PARD3: variants seen among roughly 807,000 people sequenced by gnomAD.
PARD3 encodes partitioning defective 3 homolog.
PARD3 carries 75 observed loss-of-function variants against 155.4 expected under a neutral mutation model. That is an observed-to-expected ratio of 0.48 (90% CI 0.40 to 0.58). The LOEUF is 0.58. PARD3 is among the 20% of genes least tolerant of loss of function. The pLI, the probability that PARD3 is intolerant of heterozygous loss-of-function variation, is 0.00. For synonymous variants in PARD3, 576 were observed against 610.5 expected (o/e 0.94, Z 0.83); for missense variants, 1,642 against 1,721.7 (o/e 0.95, Z 0.82).
At chr10:34,446,498 G>A (rs1048366914) in intron 5 of PARD3, among the ~76,000 whole-genome samples, 59 of 151,906 alleles carry the variant, frequency 3.9e-4, no homozygotes, top group African/African-American at 1.3e-3. Flanking sequence ...GTAGAGTAAT[G>A]TGCCCAAATC....
chr10:34,399,439 G>A (rs758895646), intron 6 of PARD3, 26 bp from the exon 7 acceptor site: 4 of 1,464,524 alleles, frequency 2.7e-6, no homozygotes, highest in African/African-American at 2.8e-5. Context: ...GAATGAGGGA[G>A]CATGAACGTG....
At chr10:34,273,598 T>A (rs1324113428) in intron 21 of PARD3, among the ~76,000 whole-genome samples, 1 of 152,176 alleles carries the variant, frequency 6.6e-6, no homozygotes, top group Non-Finnish European at 1.5e-5. Context: ...CCAATGCGAA[T>A]TTCCTGGTTT....
At chr10:34,676,232 T>C (rs1433894957) in intron 2 of PARD3, among the ~76,000 whole-genome samples, 1 of 152,196 alleles carries the variant, frequency 6.6e-6, no homozygotes, top group Non-Finnish European at 1.5e-5. Flanking sequence ...AAAACTTATG[T>C]TTTCTACGGA....
chr10:34,287,789 T>C (rs1956471443), intron 20 of PARD3, among the ~76,000 whole-genome samples: 1 of 152,196 alleles, frequency 6.6e-6, no homozygotes, highest in Admixed American at 6.5e-5. Context: ...TACCTAAGGA[T>C]TGCATATTTT....
chr10:34,403,408 G>A (rs1209313807), intron 5 of PARD3, among the ~76,000 whole-genome samples: 2 of 152,150 alleles, frequency 1.3e-5, no homozygotes, highest in South Asian at 2.1e-4. Flanking sequence ...CAGTAGAAAC[G>A]TGTATGCCAT....
At position 34,209,783 on chromosome 10, in the gene PARD3, G is replaced by A. The variant is rs554022769; in HGVS notation, c.3419+59874C>T. On this transcript the variant is annotated intron_variant, in intron 22 of 24. Transcript: ENST00000374788. ...AGAAAATGCATGCAAATTCTTGGGA[G>A]AGAAAGCATTTAGTAAATGTTAGCT... 7.2e-5 allele frequency among the ~76,000 whole-genome samples: 11 copies of A among 152,302 alleles called. No homozygotes were observed. The South Asian group carries it at 2.3e-3, about 32-fold the overall frequency.
chr10:34,604,945 CT>C (rs1431799295), intron 2 of PARD3, among the ~76,000 whole-genome samples: 1 of 151,664 alleles, frequency 6.6e-6, no homozygotes, highest in Non-Finnish European at 1.5e-5. Context: ...TAGTCCATTT[CT>C]TTTTTCCTTC....
intron 15 of PARD3, chr10:34,345,865 G>T (rs74134111): frequency 2.0e-6 from 2 of 984,932 alleles, no homozygotes; most frequent in Non-Finnish European, 2.4e-6. Context: ...CTAGAATAAG[G>T]ACTGACAAAA....
intron 15 of PARD3, chr10:34,344,879 T>G (rs528172282): frequency 3.0e-6 from 3 of 985,378 alleles, no homozygotes; most frequent in South Asian, 4.7e-5. Context: ...GTACAGAAAG[T>G]GTGCAACTTC....
chr10:34,364,750 G>C (rs1156547323), intron 12 of PARD3, among the ~76,000 whole-genome samples: 1 of 152,184 alleles, frequency 6.6e-6, no homozygotes, highest in East Asian at 1.9e-4. Flanking sequence ...TTAGCAAATA[G>C]CTAGTAAATT....
chr10:34,716,047 T>C (rs1564539289), intron 1 of PARD3, among the ~76,000 whole-genome samples: 1 of 152,212 alleles, frequency 6.6e-6, no homozygotes, highest in Non-Finnish European at 1.5e-5. Flanking sequence ...CCATTTAAAA[T>C]AGGAGAATTT....
chr10:34,610,409 T>G (rs2090794365), intron 2 of PARD3, among the ~76,000 whole-genome samples: 1 of 152,150 alleles, frequency 6.6e-6, no homozygotes, highest in Non-Finnish European at 1.5e-5. Context: ...CCAGTACTCA[T>G]CAAGAATTGG....
At chr10:34,399,137 C>A (rs1843637917) in intron 7 of PARD3, among the ~76,000 whole-genome samples, 193 bp downstream of exon 7, 1 of 152,130 alleles carries the variant, frequency 6.6e-6, no homozygotes, top group African/African-American at 2.4e-5. Context: ...CACGTTCCTG[C>A]AAAACCTCTC....
Position 34,271,829 on chromosome 10 carries a change from A to C in PARD3, c.3177-1930T>G, listed in dbSNP as rs575749279. 1.7e-4 allele frequency among the ~76,000 whole-genome samples: 26 copies of C among 152,352 alleles called. No homozygotes were observed. The South Asian group carries it at 2.5e-3, about 15-fold the overall frequency. On this transcript the variant is annotated intron_variant, in intron 21 of 24. Transcript: ENST00000374788. ...CAAAAATCTCCCAGAACTAAAAAGCAAGTTCAACAAAGTCAGAGGATATAA... is the reference window on the plus strand; with the variant it reads ...CAAAAATCTCCCAGAACTAAAAAGCCAGTTCAACAAAGTCAGAGGATATAA...
chr10:34,227,837 C>A, intron 22 of PARD3, among the ~76,000 whole-genome samples: 1 of 85,174 alleles, frequency 1.2e-5, no homozygotes. Context: ...TATATATTCC[C>A]AGTAATGGGA....
intron 2 of PARD3, among the ~76,000 whole-genome samples, chr10:34,608,645 C>G (rs1175430874): frequency 6.6e-6 from 1 of 151,206 alleles, no homozygotes; most frequent in African/African-American, 2.4e-5. Context: ...AGCAGTTCTC[C>G]TGCTTCAGCC....
intron 1 of PARD3, among the ~76,000 whole-genome samples, chr10:34,802,857 T>C (rs999431404): frequency 5.3e-5 from 8 of 152,064 alleles, no homozygotes; most frequent in Non-Finnish European, 8.8e-5. Context: ...GTAGTCCACC[T>C]GGCCTCCTAC....
intron 7 of PARD3, among the ~76,000 whole-genome samples, chr10:34,393,150 T>TAA (rs34936875): frequency 0.011 from 1,488 of 133,848 alleles, 35 homozygotes; most frequent in African/African-American, 0.04. Context: ...TACTAGATCT[T>TAA]AAAAAAAAAA....
intron 1 of PARD3, among the ~76,000 whole-genome samples, chr10:34,782,819 C>T (rs909330966): frequency 6.6e-6 from 1 of 151,934 alleles, no homozygotes; most frequent in Non-Finnish European, 1.5e-5. Context: ...CTCTGCCTCC[C>T]GGGTTCCAGC....
Sources: gnomAD v4.1 joint callset for allele counts (sites outside exome capture counted in the v4.1 genomes callset) on GRCh38, gnomAD v4.1.1 for gene constraint, MANE v1.5 for transcripts, NCBI Gene and HGNC (gene_info 2026-07-23, HGNC 2026-07-21) for gene names.